ASXL3: variants seen among roughly 807,000 people sequenced by gnomAD.
The protein encoded by ASXL3 is ASXL transcriptional regulator 3.
In ASXL3, 34 loss-of-function variants were observed where a neutral mutation model predicts 170.6. That is an observed-to-expected ratio of 0.20 (90% CI 0.15 to 0.27). The LOEUF (loss-of-function observed/expected upper bound fraction) is 0.27, where lower values mean the gene tolerates loss of function less well. Ranked by LOEUF, ASXL3 falls within the 10% of genes least tolerant of loss-of-function variation. The probability of loss-of-function intolerance (pLI) is 1.00; values close to 1 mark genes in which losing one functional copy is unlikely to be tolerated. For synonymous variants in ASXL3, 1,002 were observed against 989.1 expected, an observed-to-expected ratio of 1.01 and a Z score of -0.24; for missense variants, 2,592 against 2,695.3, an observed-to-expected ratio of 0.96 and a Z score of 0.85.
intron 7 of ASXL3, among the ~76,000 whole-genome samples, chr18:33,681,146 A>G (rs2066507670): frequency 6.6e-6 from 1 of 152,048 alleles, no homozygotes; most frequent in African/African-American, 2.4e-5. Context: ...TCTCATTTCA[A>G]TTACATCTTA....
chr18:33,646,842 T>C (rs911461679), intron 4 of ASXL3, among the ~76,000 whole-genome samples: 28 of 116,524 alleles, frequency 2.4e-4, no homozygotes, highest in Non-Finnish European at 4.3e-4. Flanking sequence ...TAGACACTTT[T>C]AAGAAGTGAG....
intron 8 of ASXL3, among the ~76,000 whole-genome samples, chr18:33,706,442 T>C (rs2066960599): frequency 6.6e-6 from 1 of 151,836 alleles, no homozygotes; most frequent in Admixed American, 6.6e-5. Flanking sequence ...TCTTAAATAC[T>C]TTCTCAAAAT....
intron 8 of ASXL3, among the ~76,000 whole-genome samples, chr18:33,722,261 T>C (rs1355116565): frequency 6.6e-6 from 1 of 152,040 alleles, no homozygotes; most frequent in African/African-American, 2.4e-5. Flanking sequence ...CTAGAAATGA[T>C]TACATTTAGT....
intron 8 of ASXL3, among the ~76,000 whole-genome samples, chr18:33,724,982 T>C (rs2067324881): frequency 6.6e-6 from 1 of 152,132 alleles, no homozygotes; most frequent in African/African-American, 2.4e-5. Flanking sequence ...TGGATAAATC[T>C]TGAGCATGTC....
In ASXL3 at chr18:33,744,214, C is replaced by G. The variant is rs367697152; in HGVS notation, c.4366C>G (p.Pro1456Ala). The G allele has an allele frequency of 2.4e-5, 39 of 1,613,924 alleles. No individual in the cohort carries two copies. The African/African-American group carries it at 5.1e-4, about 21-fold the overall frequency. Residue 1456 changes from proline (P) to alanine (A), a missense_variant, in exon 12 of 12, where the codon CCA becomes GCA. Physicochemically the swap from Pro to Ala is conservative, Grantham distance 27 (BLOSUM62 -1). This residue lies in a region of ASXL3 where 2,246 missense variants were observed against 2,219.6 expected (regional missense o/e 1.01). Transcript: ENST00000269197. ...RADNSGKPQQ[P>A]PGGFAPAAIN... Reference sequence around the variant, plus strand: ...AGATAATTCTGGAAAACCTCAGCAACCACCAGGGGGCTTTGCACCAGCAGC... The same window carrying G: ...AGATAATTCTGGAAAACCTCAGCAAGCACCAGGGGGCTTTGCACCAGCAGC...
At position 33,746,163 on chromosome 18, in the gene ASXL3, G is replaced by A. The variant is rs2067787206; in HGVS notation, c.6315G>A (p.Gln2105=). 6.2e-7 allele frequency: 1 copy of A among 1,613,800 alleles called. No homozygotes were observed. The highest frequency in any genetic ancestry group is 8.5e-7 in the Non-Finnish European group (1 of 1,179,888). Residue 2105 remains glutamine (Q), a synonymous_variant, in exon 12 of 12, where the codon CAG becomes CAA. Transcript: ENST00000269197. ...GCATGAAACAAGTTTCCTATGACCA[G>A]AATGAAATGAAAGAACAGTTAAAAG... ...ELGMKQVSYD[Q]NEMKEQLKAF... is the part of the protein sequence containing the mutation.
In ASXL3 at chr18:33,713,248, G is replaced by GTTTTTTTT. The variant is rs1226619353; in HGVS notation, c.880-18701_880-18694dup. ...AAGAAGGTTTTTTTTGTTTTGTTTT[G>GTTTTTTTT]TTTTTTTTTTTTTTTTTTTTTTTTT... On this transcript the variant is annotated intron_variant, in intron 8 of 11. Transcript: ENST00000269197. 2.6e-4 allele frequency among the ~76,000 whole-genome samples: 17 copies of GTTTTTTTT among 65,096 alleles called. 1 individual carries two copies. Among genetic ancestry groups the GTTTTTTTT allele is most frequent in the East Asian group, 4.1e-4 (1 of 2,416 alleles). The allele number at this position is 65,096 out of a possible 152,430, so 42.7% of individuals were successfully genotyped here.
intron 1 of ASXL3, among the ~76,000 whole-genome samples, chr18:33,594,510 T>C (rs1267533702): frequency 6.6e-6 from 1 of 152,168 alleles, no homozygotes; most frequent in African/African-American, 2.4e-5. Flanking sequence ...AATATTCCAT[T>C]GACTTCTCAA....
At chr18:33,720,884 A>G (rs1192446550) in intron 8 of ASXL3, among the ~76,000 whole-genome samples, 2 of 152,156 alleles carry the variant, frequency 1.3e-5, no homozygotes, top group Non-Finnish European at 2.9e-5. Context: ...CTGTAGAATA[A>G]TATCATTGGA....
intron 5 of ASXL3, among the ~76,000 whole-genome samples, chr18:33,664,547 A>G (rs1421044258): frequency 3.9e-5 from 6 of 152,206 alleles, no homozygotes; most frequent in Admixed American, 1.3e-4. Context: ...TACATTAACC[A>G]GCGTAGACTC....
At chr18:33,596,952 A>C (rs2065132774) in intron 1 of ASXL3, among the ~76,000 whole-genome samples, 1 of 152,076 alleles carries the variant, frequency 6.6e-6, no homozygotes, top group Non-Finnish European at 1.5e-5. Context: ...AGTAGCTAGG[A>C]CTAGCACGTG....
intron 8 of ASXL3, among the ~76,000 whole-genome samples, chr18:33,688,678 G>A (rs1256763406): frequency 6.6e-6 from 1 of 152,172 alleles, no homozygotes; most frequent in African/African-American, 2.4e-5. Context: ...AGTGTCAAAT[G>A]TACAATGTGC....
chr18:33,683,656 G>T, intron 8 of ASXL3, 88 bp downstream of exon 8: 13 of 1,264,384 alleles, frequency 1.0e-5, no homozygotes, highest in East Asian at 5.0e-5. Context: ...ACTTATATAT[G>T]GATATAGTAA....
At position 33,668,907 on chromosome 18, in the gene ASXL3, C is replaced by T. The variant is rs192843486; in HGVS notation, c.478-1766C>T. Among the ~76,000 whole-genome samples, 9 of 151,802 alleles carry T rather than the reference C, an allele frequency of 5.9e-5. No homozygotes were observed. In the East Asian group the frequency reaches 1.6e-3, roughly 26 times the overall value. On this transcript the variant is annotated intron_variant, in intron 5 of 11. Coordinates refer to ENST00000269197, the MANE Select transcript of ASXL3 (RefSeq NM_030632.3). ...TAAACTCTAACCAAACACACACACA[C>T]ACCACACACACACAAACTATTTTTA...
At chr18:33,608,781 A>G (rs2065289292) in intron 2 of ASXL3, among the ~76,000 whole-genome samples, 1 of 151,974 alleles carries the variant, frequency 6.6e-6, no homozygotes, top group African/African-American at 2.4e-5. Flanking sequence ...TGCTAAGATA[A>G]ATAAATATCC....
chr18:33,740,457 T>TAAAC lies in ASXL3; in HGVS notation c.3039+18_3039+21dup. On this transcript the variant is annotated intron_variant, in intron 11 of 11. Coordinates refer to ENST00000269197, the MANE Select transcript of ASXL3 (RefSeq NM_030632.3). ...CCCCCTCTCAAGGTATGGTATTAAA[T>TAAAC]AAACAAAAGGCAATTCCGTAGATAG... 6.6e-7 allele frequency: 1 copy of TAAAC among 1,519,916 alleles called. No homozygotes were observed. Among genetic ancestry groups the TAAAC allele is most frequent in the South Asian group, 1.4e-5 (1 of 73,772 alleles). 94.2% of individuals were successfully genotyped at this position (1,519,916 alleles called of 1,614,324 possible).
intron 1 of ASXL3, among the ~76,000 whole-genome samples, chr18:33,607,154 A>AGT (rs1294702700): frequency 2.6e-5 from 4 of 151,990 alleles, no homozygotes; most frequent in Non-Finnish European, 4.4e-5. Flanking sequence ...CCGTGAATCC[A>AGT]GTGAGGCTGT....
Position 33,725,002 on chromosome 18 carries a change from T to G in ASXL3, c.880-6966T>G, listed in dbSNP as rs1002969355. On this transcript the variant is annotated intron_variant, in intron 8 of 11. Transcript: ENST00000269197. ...AAATCTTGAGCATGTCTATAGAGTC[T>G]CCTGGGCCATCTGAATTATACTTAG... 5.3e-5 allele frequency among the ~76,000 whole-genome samples: 8 copies of G among 152,164 alleles called. No individual in the cohort carries two copies. In the East Asian group the frequency reaches 1.4e-3, roughly 26 times the overall value.
At chr18:33,668,614 C>T (rs1021487580) in intron 5 of ASXL3, among the ~76,000 whole-genome samples, 1 of 152,004 alleles carries the variant, frequency 6.6e-6, no homozygotes, top group Non-Finnish European at 1.5e-5. Context: ...GGTCACCTTC[C>T]TTTATCCTTG....
Sources: allele counts gnomAD v4.1 joint callset (sites outside exome capture counted in the v4.1 genomes callset), GRCh38; gene constraint gnomAD v4.1.1; regional missense constraint gnomAD v4.1.1; transcripts MANE v1.5; gene names NCBI Gene and HGNC (gene_info 2026-07-23, HGNC 2026-07-21).